GNB5: variants seen among roughly 807,000 people sequenced by gnomAD.
GNB5 encodes guanine nucleotide-binding protein subunit beta-5.
A neutral mutation model predicts 55.3 loss-of-function variants in GNB5; 37 were observed. The ratio of observed to expected loss-of-function variants is 0.67; its 90% CI spans 0.51 to 0.88. GNB5 has a LOEUF of 0.88. Among genes scored for constraint, GNB5 ranks in the 40% least tolerant of loss-of-function variants. GNB5 has a pLI of 0.00. For synonymous variants in GNB5, 219 were observed against 198.5 expected (o/e 1.10, Z -0.87); for missense variants, 476 against 515.3 (o/e 0.92, Z 0.74).
intron 3 of GNB5, among the ~76,000 whole-genome samples, chr15:52,165,520 G>A (rs1306516727): frequency 6.6e-6 from 1 of 152,210 alleles, no homozygotes; most frequent in Non-Finnish European, 1.5e-5. Flanking sequence ...AACCTTACAA[G>A]CCCGAAGAGA....
chr15:52,151,474 C>T (rs903215655), intron 4 of GNB5, among the ~76,000 whole-genome samples: 3 of 152,200 alleles, frequency 2.0e-5, no homozygotes, highest in African/African-American at 7.2e-5. Flanking sequence ...TATCCCCAAG[C>T]CTTAATCCCA....
chr15:52,125,950 C>T lies in GNB5; in HGVS notation c.1007G>A (p.Ser336Asn). The change falls in exon 11 of 13, where the codon AGT becomes AAT. Residue 336 changes from serine (S) to asparagine (N), a missense_variant and splice_region_variant. Coordinates refer to ENST00000261837, the MANE Select transcript of GNB5 (RefSeq NM_016194.4). ...FGASSVDFSL[S>N]GRLLFAGYND... is the part of the protein sequence containing the mutation. Reference sequence around the variant, plus strand: ...AAGTTTCTGAAATAAAATCTTACCACTGAGGGAGAAGTCCACGCTGGATGC... The same window carrying T: ...AAGTTTCTGAAATAAAATCTTACCATTGAGGGAGAAGTCCACGCTGGATGC... The T allele has an allele frequency of 7.3e-7, 1 of 1,369,856 alleles. No individual in the cohort carries two copies. Among genetic ancestry groups the T allele is most frequent in the Non-Finnish European group, 1.0e-6 (1 of 966,276 alleles). The allele number at this position is 1,369,856 out of a possible 1,614,324, so 84.9% of individuals were successfully genotyped here.
At chr15:52,184,811 G>T in intron 1 of GNB5, 117 bp from the exon 2 acceptor site, 1 of 690,910 alleles carries the variant, frequency 1.4e-6, no homozygotes, top group Non-Finnish European at 2.4e-6. Context: ...GTGGGATAGA[G>T]TATATGCAGT....
chr15:52,176,026 G>T (rs764390474), intron 3 of GNB5, among the ~76,000 whole-genome samples: 2 of 151,980 alleles, frequency 1.3e-5, no homozygotes, highest in Non-Finnish European at 2.9e-5. Flanking sequence ...TCCAGCCTGG[G>T]CAACAGAGCC....
At chr15:52,166,342 C>T (rs915067076) in intron 3 of GNB5, among the ~76,000 whole-genome samples, 1 of 152,140 alleles carries the variant, frequency 6.6e-6, no homozygotes. Context: ...TGAAGTGGAC[C>T]TGACAGATAT....
Position 52,122,814 on chromosome 15 carries a change from A to G in GNB5, c.1177-46T>C, listed in dbSNP as rs762590174. The G allele has an allele frequency of 6.7e-6, 10 of 1,482,992 alleles. No individual in the cohort carries two copies. The East Asian group carries it at 2.3e-4, about 33-fold the overall frequency. 91.9% of individuals were successfully genotyped at this position (1,482,992 alleles called of 1,614,324 possible). On this transcript the variant is annotated intron_variant, in intron 12 of 12. Coordinates refer to ENST00000261837, the MANE Select transcript of GNB5 (RefSeq NM_016194.4). ...AGTTTTTAGACCTTTGTAGTTAACAACTTATAAAACTTGAGCTTAAAGAGA... is the reference window on the plus strand; with the variant it reads ...AGTTTTTAGACCTTTGTAGTTAACAGCTTATAAAACTTGAGCTTAAAGAGA...
At chr15:52,176,950 C>T (rs946731523) in intron 3 of GNB5, among the ~76,000 whole-genome samples, 3 of 152,090 alleles carry the variant, frequency 2.0e-5, no homozygotes, top group Non-Finnish European at 4.4e-5. Flanking sequence ...CCTCCAGACA[C>T]ACCTGCCTCC....
At chr15:52,137,265 T>C (rs2033745973) in intron 7 of GNB5, 2 of 1,149,338 alleles carry the variant, frequency 1.7e-6, no homozygotes. Flanking sequence ...CAAGGATCAA[T>C]GACAACAGCA....
At position 52,141,122 on chromosome 15, in the gene GNB5, C is replaced by T. The variant is rs745592298; in HGVS notation, c.627+18G>A. 20 of 1,613,372 alleles carry T rather than the reference C, an allele frequency of 1.2e-5. No homozygotes were observed. The highest frequency in any genetic ancestry group is 3.3e-5 in the South Asian group (3 of 91,040). ...GCTCCTTGGCAGGTCAACCTGACACCGGGGGCTGCCTATTTACCTGCATGT... is the reference window on the plus strand; with the variant it reads ...GCTCCTTGGCAGGTCAACCTGACACTGGGGGCTGCCTATTTACCTGCATGT... On this transcript the variant is annotated intron_variant, in intron 7 of 12. Transcript: ENST00000261837.
At chr15:52,129,997 G>C (rs912824506) in intron 9 of GNB5, among the ~76,000 whole-genome samples, 1 of 152,230 alleles carries the variant, frequency 6.6e-6, no homozygotes, top group African/African-American at 2.4e-5. Flanking sequence ...ATGTGATCAT[G>C]TTCTGGCTAA....
intron 3 of GNB5, among the ~76,000 whole-genome samples, chr15:52,163,516 T>C (rs1302798620): frequency 1.3e-5 from 2 of 152,124 alleles, no homozygotes; most frequent in Non-Finnish European, 2.9e-5. Context: ...ACAGACACTA[T>C]CTCTGCAGCT....
rs1336224964 is a variant in GNB5, at chr15:52,161,591, G to A, written c.239-7515C>T. ...GCTGGGATTACAGGTGTGAGCCACC[G>A]TGCCCAGCCATACCTCTTCGAGGTA... On this transcript the variant is annotated intron_variant, in intron 3 of 12. Transcript: ENST00000261837. Among the ~76,000 whole-genome samples, 7 of 152,296 alleles carry A rather than the reference G, an allele frequency of 4.6e-5. No individual in the cohort carries two copies. The East Asian group carries it at 5.8e-4, about 13-fold the overall frequency.
chr15:52,144,665 C>A (rs1232701037), intron 6 of GNB5, among the ~76,000 whole-genome samples: 1 of 152,134 alleles, frequency 6.6e-6, no homozygotes, highest in African/African-American at 2.4e-5. Context: ...CAGGTCTGAT[C>A]TCCAGAGGAA....
intron 7 of GNB5, chr15:52,139,635 C>T (rs761263299): frequency 3.4e-5 from 10 of 294,610 alleles, no homozygotes; most frequent in Non-Finnish European, 5.8e-5. Context: ...GAAATTCAAA[C>T]GCTGTCTAGG....
intron 3 of GNB5, among the ~76,000 whole-genome samples, chr15:52,175,992 C>T (rs559924700): frequency 4.6e-5 from 7 of 151,688 alleles, no homozygotes; most frequent in South Asian, 2.1e-4. Flanking sequence ...GAGGTTGTAG[C>T]GAGCTGAGAT....
rs575145767 is a variant in GNB5, at chr15:52,134,706, C to T, written c.771+907G>A. ...GCTCCCAGGATCGATATGTGGGCAG[C>T]CTGGAGCAAAGGTCCCTTATGTGTC... On this transcript the variant is annotated intron_variant, in intron 8 of 12. Transcript: ENST00000261837. Among the ~76,000 whole-genome samples the T allele has an allele frequency of 1.1e-4, 16 of 152,304 alleles. No individual in the cohort carries two copies. The South Asian group carries it at 3.1e-3, about 30-fold the overall frequency.
chr15:52,156,087 C>T (rs1413839398), intron 3 of GNB5, among the ~76,000 whole-genome samples: 2 of 152,168 alleles, frequency 1.3e-5, no homozygotes, highest in Non-Finnish European at 1.5e-5. Context: ...GTTCTGCCTC[C>T]TCTCCCAGTT....
At chr15:52,135,852 AAC>A (rs57732678) in intron 7 of GNB5, 96 bp from the exon 8 acceptor site, 31,966 of 545,946 alleles carry the variant, frequency 0.059, 38 homozygotes, top group East Asian at 0.13. Flanking sequence ...GGAAAAGCAG[AAC>A]ACACACACAC....
At chr15:52,173,966 G>C (rs538716204) in intron 3 of GNB5, among the ~76,000 whole-genome samples, 1 of 152,174 alleles carries the variant, frequency 6.6e-6, no homozygotes, top group East Asian at 1.9e-4. Flanking sequence ...ACTATCTTAC[G>C]GCAAAAGGGA....
Sources: allele counts gnomAD v4.1 joint callset (sites outside exome capture counted in the v4.1 genomes callset), GRCh38; gene constraint gnomAD v4.1.1; transcripts MANE v1.5; gene names NCBI Gene and HGNC (gene_info 2026-07-23, HGNC 2026-07-21).